DPF3: variants seen among roughly 807,000 people sequenced by gnomAD.
The protein encoded by DPF3 is double PHD fingers 3.
A neutral mutation model predicts 56.8 loss-of-function variants in DPF3; 18 were observed. That is an observed-to-expected ratio of 0.32 (90% CI 0.22 to 0.47). DPF3 has a LOEUF of 0.47. Among genes scored for constraint, DPF3 ranks in the 20% least tolerant of loss-of-function variants. The probability of loss-of-function intolerance (pLI) is 1.00; values close to 1 mark genes in which losing one functional copy is unlikely to be tolerated. For missense variants in DPF3, 403 were observed against 488.8 expected (o/e 0.82, Z 1.65); for synonymous variants, 188 against 180.2 (o/e 1.04, Z -0.35).
chr14:72,891,200 G>C, intron 1 of DPF3, among the ~76,000 whole-genome samples: 1 of 152,190 alleles, frequency 6.6e-6, no homozygotes, highest in East Asian at 1.9e-4. Flanking sequence ...CATAGGTGCT[G>C]CTGGAAATCT....
chr14:72,721,971 GA>G (rs1464795290), intron 5 of DPF3, among the ~76,000 whole-genome samples: 1 of 152,146 alleles, frequency 6.6e-6, no homozygotes, highest in Non-Finnish European at 1.5e-5. Flanking sequence ...AGAGAATACA[GA>G]AGAGGTATGC....
At chr14:72,751,855 T>A (rs1330785237) in intron 3 of DPF3, among the ~76,000 whole-genome samples, 1 of 152,146 alleles carries the variant, frequency 6.6e-6, no homozygotes, top group Non-Finnish European at 1.5e-5. Context: ...GAGAACCTGA[T>A]CTCCTACAAC....
At chr14:72,875,864 C>T (rs1483525589) in intron 1 of DPF3, among the ~76,000 whole-genome samples, 1 of 152,138 alleles carries the variant, frequency 6.6e-6, no homozygotes, top group East Asian at 1.9e-4. Flanking sequence ...TAAACCACCC[C>T]GATCCCCCTA....
At chr14:72,781,020 G>A (rs1357868755) in intron 1 of DPF3, among the ~76,000 whole-genome samples, 2 of 152,166 alleles carry the variant, frequency 1.3e-5, no homozygotes, top group Admixed American at 1.3e-4. Context: ...CAGTGATCCT[G>A]AGAAATTTGA....
At chr14:72,633,804 T>A (rs1004738844) in intron 8 of DPF3, among the ~76,000 whole-genome samples, 2 of 152,192 alleles carry the variant, frequency 1.3e-5, no homozygotes, top group Non-Finnish European at 2.9e-5. Context: ...GGGTGGCGTG[T>A]GCTGCATGCA....
chr14:72,807,444 C>G (rs1027975512), intron 1 of DPF3, among the ~76,000 whole-genome samples: 19 of 152,128 alleles, frequency 1.2e-4, no homozygotes, highest in African/African-American at 4.3e-4. Flanking sequence ...GATACTGACT[C>G]CAGCATAACT....
intron 1 of DPF3, among the ~76,000 whole-genome samples, chr14:72,853,065 A>G (rs4903073): frequency 0.51 from 71,330 of 139,212 alleles, 18,186 homozygotes; most frequent in East Asian, 0.87. Flanking sequence ...GTGTGTGTGT[A>G]TGCATGCTTG....
intron 1 of DPF3, among the ~76,000 whole-genome samples, chr14:72,840,661 T>G (rs1175922048): frequency 1.3e-5 from 2 of 152,258 alleles, no homozygotes; most frequent in African/African-American, 4.8e-5. Flanking sequence ...AAAATCCTTT[T>G]AATGGTTCTG....
chr14:72,745,682 G>A (rs966166534), intron 3 of DPF3, among the ~76,000 whole-genome samples: 4 of 151,958 alleles, frequency 2.6e-5, no homozygotes, highest in African/African-American at 9.7e-5. Flanking sequence ...CTCTCCTTGG[G>A]AAGGTCAGCC....
intron 1 of DPF3, among the ~76,000 whole-genome samples, chr14:72,867,737 GT>G (rs1372275516): frequency 6.6e-6 from 1 of 152,140 alleles, no homozygotes; most frequent in Admixed American, 6.6e-5. Flanking sequence ...CAATAAGTTT[GT>G]TTTTTGTTTT....
chr14:72,779,904 G>A (rs1891900632), intron 1 of DPF3, among the ~76,000 whole-genome samples: 1 of 152,208 alleles, frequency 6.6e-6, no homozygotes, highest in African/African-American at 2.4e-5. Context: ...GGGTCACCAA[G>A]GCTGAGCCTC....
chr14:72,796,701 C>T (rs1892661209), intron 1 of DPF3, among the ~76,000 whole-genome samples: 1 of 152,074 alleles, frequency 6.6e-6, no homozygotes, highest in South Asian at 2.1e-4. Context: ...TTTATTATTC[C>T]TATTTTCCTA....
At chr14:72,880,420 C>T (rs1886281368) in intron 1 of DPF3, among the ~76,000 whole-genome samples, 1 of 152,188 alleles carries the variant, frequency 6.6e-6, no homozygotes, top group Admixed American at 6.5e-5. Context: ...ACCCAGATGC[C>T]AAAAAGGGCA....
chr14:72,863,527 C>G (rs987372409), intron 1 of DPF3, among the ~76,000 whole-genome samples: 1 of 142,276 alleles, frequency 7.0e-6, no homozygotes, highest in Non-Finnish European at 1.5e-5. Context: ...TCATGACCCT[C>G]TTGCTTTCAT....
At chr14:72,733,196 C>A (rs1326362411) in intron 3 of DPF3, among the ~76,000 whole-genome samples, 1 of 152,290 alleles carries the variant, frequency 6.6e-6, no homozygotes, top group Admixed American at 6.5e-5. Flanking sequence ...CTCATACCCC[C>A]ACACTGCCAC....
chr14:72,726,786 C>A (rs968391904), intron 4 of DPF3, among the ~76,000 whole-genome samples: 2 of 152,090 alleles, frequency 1.3e-5, no homozygotes, highest in African/African-American at 4.8e-5. Context: ...TTTAAAATAA[C>A]TTTTCTCCCT....
chr14:72,708,317 A>T (rs1888501171), intron 6 of DPF3, among the ~76,000 whole-genome samples: 1 of 152,174 alleles, frequency 6.6e-6, no homozygotes, highest in Non-Finnish European at 1.5e-5. Context: ...ATTTAAACAG[A>T]CCCAGCTTTG....
At chr14:72,708,760 G>A (rs188635596) in intron 6 of DPF3, among the ~76,000 whole-genome samples, 8 of 152,258 alleles carry the variant, frequency 5.3e-5, no homozygotes, top group South Asian at 2.1e-4. Context: ...CCATCCCATC[G>A]CACCTCTTGG....
At chr14:72,830,556 C>T (rs1256180794) in intron 1 of DPF3, among the ~76,000 whole-genome samples, 1 of 143,848 alleles carries the variant, frequency 7.0e-6, no homozygotes, top group African/African-American at 2.6e-5. Context: ...CTCCCCTGCA[C>T]AGCGAGGACA....
Sources: gnomAD v4.1 joint callset for allele counts (sites outside exome capture counted in the v4.1 genomes callset) on GRCh38, gnomAD v4.1.1 for gene constraint, MANE v1.5 for transcripts, NCBI Gene and HGNC (gene_info 2026-07-23, HGNC 2026-07-21) for gene names.